ABR: variants seen among roughly 807,000 people sequenced by gnomAD.
ABR encodes the protein ABR activator of RhoGEF and GTPase.
ABR carries 35 observed loss-of-function variants against 107.2 expected under a neutral mutation model. The observed-to-expected ratio is 0.33, with a 90% CI of 0.25 to 0.43. The LOEUF (loss-of-function observed/expected upper bound fraction) is 0.43. Ranked by LOEUF, ABR falls within the 20% of genes least tolerant of loss-of-function variation. The pLI, the probability that ABR is intolerant of heterozygous loss-of-function variation, is 1.00. For missense variants in ABR, 815 were observed against 1,115.2 expected, an observed-to-expected ratio of 0.73 and a Z score of 3.83; for synonymous variants, 498 against 462.0, an observed-to-expected ratio of 1.08 and a Z score of -1.00.
upstream of ABR, among the ~76,000 whole-genome samples, chr17:1,183,705 C>T (rs753906658): frequency 6.4e-4 from 97 of 152,184 alleles, no homozygotes; most frequent in African/African-American, 2.0e-3. Flanking sequence ...GGAGTCTCTG[C>T]TTCCTTGATC....
chr17:1,064,529 C>G (rs2034466063), intron 10 of ABR, among the ~76,000 whole-genome samples: 1 of 129,726 alleles, frequency 7.7e-6, no homozygotes, highest in Non-Finnish European at 1.7e-5. Context: ...GCATGTTCCT[C>G]TAGACACTGT....
intron 1 of ABR, among the ~76,000 whole-genome samples, chr17:1,140,801 TC>T (rs2040255344): frequency 1.3e-5 from 2 of 152,114 alleles, no homozygotes; most frequent in South Asian, 4.1e-4. Context: ...CAGGCTGGTC[TC>T]GAACTCCTGA....
chr17:1,191,282 C>T (rs2042425944), upstream of ABR, among the ~76,000 whole-genome samples: 1 of 151,690 alleles, frequency 6.6e-6, no homozygotes, highest in South Asian at 2.1e-4. Flanking sequence ...CGCCAAGCTT[C>T]CTGCCAGCTT....
intron 3 of ABR, among the ~76,000 whole-genome samples, chr17:1,095,630 T>A (rs7210584): frequency 2.0e-5 from 3 of 151,852 alleles, no homozygotes; most frequent in Admixed American, 2.0e-4. Context: ...GGCTCTCCAT[T>A]TCACCACTCG....
rs1597583237 is a variant in ABR at position 1,055,960 on chromosome 17, C to T, written c.1561+75G>A. ...TGCCCCATGTCTAAAGGCGTGCTGG[C>T]AGGGCCCCATCCTGGGCAGAGCAGT... is the stretch of plus-strand genomic sequence containing the variant. On this transcript the variant is annotated intron_variant, in intron 14 of 22. Transcript: ENST00000302538. 8 of 1,415,584 alleles carry T rather than the reference C, an allele frequency of 5.7e-6. No homozygotes were observed. In the East Asian group the frequency reaches 1.8e-4, roughly 33 times the overall value. 87.7% of individuals were successfully genotyped at this position (1,415,584 alleles called of 1,614,324 possible).
chr17:1,091,578 G>A (rs945715708), intron 4 of ABR, 87 bp downstream of exon 4: 1 of 1,459,896 alleles, frequency 6.8e-7, no homozygotes, highest in South Asian at 1.3e-5. Flanking sequence ...GTCCGAGAGG[G>A]CTGCCCGGTC....
chr17:1,081,733 C>A (rs1020113219), intron 5 of ABR, among the ~76,000 whole-genome samples: 1 of 152,184 alleles, frequency 6.6e-6, no homozygotes, highest in African/African-American at 2.4e-5. Context: ...TGCACCACCA[C>A]GCCCGGCTAA....
At chr17:1,074,050 A>C (rs11655077) in intron 6 of ABR, among the ~76,000 whole-genome samples, 2,696 of 81,100 alleles carry the variant, frequency 0.033, 21 homozygotes, top group African/African-American at 0.059. Context: ...CCACGCCCCG[A>C]AGAGTCCAGC....
At chr17:1,151,868 A>T (rs560398001) in intron 1 of ABR, among the ~76,000 whole-genome samples, 1 of 152,292 alleles carries the variant, frequency 6.6e-6, no homozygotes, top group Non-Finnish European at 1.5e-5. Context: ...AAATACAAAA[A>T]AGTTAGCCGG....
At chr17:1,162,779 C>T (rs1042319427) in intron 1 of ABR, among the ~76,000 whole-genome samples, 2 of 151,990 alleles carry the variant, frequency 1.3e-5, no homozygotes, top group South Asian at 4.1e-4. Context: ...CATCCCAGCA[C>T]TTTGAAAGGC....
At chr17:1,077,652 C>A (rs1430057253) in intron 6 of ABR, among the ~76,000 whole-genome samples, 3 of 152,152 alleles carry the variant, frequency 2.0e-5, no homozygotes, top group Non-Finnish European at 4.4e-5. Context: ...GGAAGGAGCC[C>A]AGGAAACCTG....
At chr17:1,183,202 C>T (rs754724662), upstream of ABR, among the ~76,000 whole-genome samples, 2 of 152,136 alleles carry the variant, frequency 1.3e-5, no homozygotes, top group African/African-American at 2.4e-5. Flanking sequence ...TGGGGACCAG[C>T]CAGTGCTCCC....
chr17:1,037,029 AT>A lies in ABR; in HGVS notation c.1791+13020del, dbSNP rs879731753. On this transcript the variant is annotated intron_variant, in intron 16 of 22. Transcript: ENST00000302538. This position sits in a 1 kb window ranked among gnomAD's most constrained non-coding sequence, Gnocchi z 4.6. ...CTTCCTTCCATCCTTCCTTCCTTCCATCCATCCACCCATCCATCCATCCATC... is the reference window on the plus strand; with the variant it reads ...CTTCCTTCCATCCTTCCTTCCTTCCACCATCCACCCATCCATCCATCCATC... Among the ~76,000 whole-genome samples the A allele has an allele frequency of 0.061, 9,103 of 150,398 alleles. 417 individuals are homozygous for A. Among genetic ancestry groups the A allele is most frequent in the South Asian group, 0.2 (952 of 4,728 alleles).
At position 1,150,217 on chromosome 17, in the gene ABR, G is replaced by A. The variant is rs1418414002; in HGVS notation, c.62-24850C>T. Among the ~76,000 whole-genome samples the A allele has an allele frequency of 1.3e-5, 2 of 151,958 alleles. No homozygotes were observed. Among genetic ancestry groups the A allele is most frequent in the African/African-American group, 4.8e-5 (2 of 41,376 alleles). On this transcript the variant is annotated intron_variant, in intron 1 of 22. Transcript: ENST00000302538. The surrounding 1 kb of genome is among the most constrained non-coding windows in gnomAD (Gnocchi z 4.8). ...CCCGGCCTGTGTCAGAATTTTTTTTGTTACCCACCTGACAAAGCTCTTCAT... is the reference window on the plus strand; with the variant it reads ...CCCGGCCTGTGTCAGAATTTTTTTTATTACCCACCTGACAAAGCTCTTCAT...
At chr17:1,138,823 G>A (rs2040182769) in intron 1 of ABR, among the ~76,000 whole-genome samples, 2 of 152,212 alleles carry the variant, frequency 1.3e-5, no homozygotes, top group African/African-American at 2.4e-5. Context: ...ACTGTTGCAG[G>A]AAACTGAGGA....
chr17:1,073,611 G>A lies in ABR; in HGVS notation c.753+14C>T. 2 of 1,568,506 alleles carry A rather than the reference G, an allele frequency of 1.3e-6. No homozygotes were observed. Among genetic ancestry groups the A allele is most frequent in the Non-Finnish European group, 1.7e-6 (2 of 1,151,420 alleles). On this transcript the variant is annotated intron_variant, in intron 7 of 22. Transcript: ENST00000302538. ...CCTAAGCCCTCTCTGGCCATTCGGA[G>A]GCTTGACACTCACGTGTAGGACTAG...
At chr17:1,217,961 C>T (rs992001316) in intron 1 of ABR, among the ~76,000 whole-genome samples, 1 of 152,140 alleles carries the variant, frequency 6.6e-6, no homozygotes, top group African/African-American at 2.4e-5. Context: ...TCCCAAAGTG[C>T]TGGCATTACA....
At chr17:1,072,053 G>A (rs1455261353) in intron 8 of ABR, among the ~76,000 whole-genome samples, 4 of 152,138 alleles carry the variant, frequency 2.6e-5, no homozygotes, top group South Asian at 2.1e-4. Flanking sequence ...ACAGGCATCC[G>A]CCACCACGCC....
rs975891856 is a variant in ABR, at chr17:1,027,547, G to A, written c.1792-14383C>T. Among the ~76,000 whole-genome samples, 2 of 152,186 alleles carry A rather than the reference G, an allele frequency of 1.3e-5. No homozygotes were observed. Among genetic ancestry groups the A allele is most frequent in the African/African-American group, 4.8e-5 (2 of 41,444 alleles). ...AGAGTACTCATGAGGCCCCAGCAGT[G>A]AGGTCTGCCCACTCGGCAGGTGGGT... On this transcript the variant is annotated intron_variant, in intron 16 of 22. Coordinates refer to ENST00000302538, the MANE Select transcript of ABR (RefSeq NM_021962.5). The surrounding 1 kb of genome is among the most constrained non-coding windows in gnomAD (Gnocchi z 4.7).
Sources: gnomAD v4.1 joint callset for allele counts (sites outside exome capture counted in the v4.1 genomes callset) on GRCh38, gnomAD v4.1.1 for gene constraint, Gnocchi (gnomAD v3.1) non-coding constraint, MANE v1.5 for transcripts, NCBI Gene and HGNC (gene_info 2026-07-23, HGNC 2026-07-21) for gene names.